Variants in UBR4 observed in about 807,000 individuals in gnomAD.
UBR4 encodes the protein ubiquitin protein ligase E3 component n-recognin 4.
A neutral mutation model predicts 575.6 loss-of-function variants in UBR4; 124 were observed. That is an observed-to-expected ratio of 0.22 (90% CI 0.19 to 0.25). UBR4 has a LOEUF of 0.25. Ranked by LOEUF, UBR4 falls within the 10% of genes least tolerant of loss-of-function variation. UBR4 has a pLI of 1.00. For missense variants in UBR4, 4,818 were observed against 6,478.8 expected (o/e 0.74, Z 8.80); for synonymous variants, 2,455 against 2,473.7 (o/e 0.99, Z 0.22).
rs562239036 is a variant in UBR4 at position 19,133,259 on chromosome 1, G to A, written c.8907-4185C>T. 9.9e-5 allele frequency among the ~76,000 whole-genome samples: 15 copies of A among 152,086 alleles called. No homozygotes were observed. In the South Asian group the frequency reaches 1.7e-3, roughly 17 times the overall value. On this transcript the variant is annotated intron_variant, in intron 60 of 105. Coordinates refer to ENST00000375254, the MANE Select transcript of UBR4 (RefSeq NM_020765.3). Reference sequence around the variant, plus strand: ...CTTAATAATAGAAAAATCAATTAACGTAATCTATAACCTTAAACAAAATAA... The same window carrying A: ...CTTAATAATAGAAAAATCAATTAACATAATCTATAACCTTAAACAAAATAA...
In UBR4 at chr1:19,192,289, A is replaced by C. The variant is rs751628344; in HGVS notation, c.1293T>G (p.Asp431Glu). The change falls in exon 11 of 106, where the codon GAT (aspartate) becomes GAG (glutamate). Residue 431 changes from aspartate (D) to glutamate (E), a missense_variant. By Grantham distance (45) the Asp-to-Glu change is conservative. Around this residue, in one of 29 missense-constraint regions of UBR4, gnomAD observed 162 missense variants for 216.4 expected, o/e 0.75. Transcript: ENST00000375254. ...ILNLSPTALA[D>E]KGKEKDPLAA... ...CCAGTGGGTCCTTCTCTTTCCCCTT[A>C]TCAGCCAACGCAGTAGGACTGAGGT... 6.2e-7 allele frequency: 1 copy of C among 1,614,142 alleles called. No individual in the cohort carries two copies. Among genetic ancestry groups the C allele is most frequent in the South Asian group, 1.1e-5 (1 of 91,084 alleles).
At chr1:19,102,438 C>T (rs745399537) in intron 87 of UBR4, among the ~76,000 whole-genome samples, 14 of 151,780 alleles carry the variant, frequency 9.2e-5, no homozygotes, top group African/African-American at 1.7e-4. Context: ...AGGTCCCTGA[C>T]GAAGTCACAA....
In UBR4 at chr1:19,117,216, C is replaced by T; in HGVS notation, c.10823+5G>A. On this transcript the variant is annotated splice_donor_5th_base_variant and intron_variant, in intron 73 of 105. Coordinates refer to ENST00000375254, the MANE Select transcript of UBR4 (RefSeq NM_020765.3). The surrounding 1 kb of genome is among the most constrained non-coding windows in gnomAD (Gnocchi z 4.0). The stretch of plus-strand genomic sequence containing the variant: ...TGCCCCTCCCGAGGCCTAAAAAGCC[C>T]GTACTTGTTTTTCAACTCCACGATG... 4 of 1,610,900 alleles carry T rather than the reference C, an allele frequency of 2.5e-6. No homozygotes were observed. The highest frequency in any genetic ancestry group is 1.7e-4 in the Middle Eastern group (1 of 5,804).
Position 19,119,693 on chromosome 1 carries a change from C to T in UBR4, c.10319G>A (p.Ser3440Asn), listed in dbSNP as rs750939666. 16 of 1,609,654 alleles carry T rather than the reference C, an allele frequency of 9.9e-6. No homozygotes were observed. In the South Asian group the frequency reaches 1.3e-4, roughly 13 times the overall value. The change falls in exon 70 of 106, where the codon AGC (serine) becomes AAC (asparagine). Residue 3440 changes from serine (S) to asparagine (N), a missense_variant. Ser to Asn is a conservative substitution (Grantham distance 46, BLOSUM62 1). Coordinates refer to ENST00000375254, the MANE Select transcript of UBR4 (RefSeq NM_020765.3). ...TAGCAGGAGCTCCTGTTGAGATTTG[C>T]TGGAATTTCTGTGGATATATGACAG... ...CLTLHIYRNS[S>N]KSQQELLLDL...
chr1:19,095,142 G>T, intron 93 of UBR4, 117 bp from the exon 94 acceptor site: 3 of 1,470,854 alleles, frequency 2.0e-6, no homozygotes, highest in East Asian at 2.3e-5. Flanking sequence ...ATGTGTGTAT[G>T]ACCGTGTGTA....
intron 60 of UBR4, among the ~76,000 whole-genome samples, chr1:19,137,480 A>C (rs1467526441): frequency 6.6e-6 from 1 of 152,166 alleles, no homozygotes; most frequent in African/African-American, 2.4e-5. Flanking sequence ...CAACACAAAA[A>C]TGGATTAGGA....
intron 1 of UBR4, among the ~76,000 whole-genome samples, chr1:19,204,349 C>T (rs2092901354): frequency 6.6e-6 from 1 of 151,992 alleles, no homozygotes; most frequent in Non-Finnish European, 1.5e-5. Flanking sequence ...CCCACTCTGT[C>T]ATTTGATGTT....
chr1:19,149,710 G>A (rs780990786), intron 49 of UBR4: 101 of 1,274,108 alleles, frequency 7.9e-5, no homozygotes, highest in Non-Finnish European at 9.6e-5. Context: ...TTGGTTACAC[G>A]GCTCTCTGAC....
chr1:19,084,983 A>G (rs1232173048), intron 101 of UBR4, among the ~76,000 whole-genome samples: 1 of 152,250 alleles, frequency 6.6e-6, no homozygotes, highest in African/African-American at 2.4e-5. Context: ...GTTGTAGGAC[A>G]TACCGTGGCT....
Position 19,198,023 on chromosome 1 carries a change from T to C in UBR4, c.675A>G (p.Ser225=). ...TGATAGCTGAGGCTTGATCTGTAGA[T>C]GACTGCTCATCATTTTCTCCTTCCA... ...TLVEGENDEQ[S]STDQASAIKT... The change falls in exon 6 of 106, where the codon TCA becomes TCG. Residue 225 remains serine (S), a synonymous_variant. Transcript: ENST00000375254. 6.2e-7 allele frequency: 1 copy of C among 1,614,052 alleles called. No homozygotes were observed. Among genetic ancestry groups the C allele is most frequent in the Non-Finnish European group, 8.5e-7 (1 of 1,180,036 alleles).
intron 86 of UBR4, 66 bp from the exon 87 acceptor site, chr1:19,104,323 A>G: frequency 1.3e-6 from 2 of 1,573,774 alleles, no homozygotes; most frequent in East Asian, 2.3e-5. Context: ...TCTGTGTCTC[A>G]AAAGATTATG....
intron 81 of UBR4, among the ~76,000 whole-genome samples, chr1:19,107,467 T>C (rs1358000450): frequency 6.6e-6 from 1 of 152,166 alleles, no homozygotes; most frequent in African/African-American, 2.4e-5. Flanking sequence ...TGGTTGTATC[T>C]ATTGCCATTT....
chr1:19,177,985 G>A (rs1199503368), intron 18 of UBR4, among the ~76,000 whole-genome samples: 2 of 152,114 alleles, frequency 1.3e-5, no homozygotes, highest in Non-Finnish European at 2.9e-5. Context: ...GAGGTCGAGG[G>A]GAGGATTGCT....
intron 53 of UBR4, among the ~76,000 whole-genome samples, chr1:19,145,496 AT>A (rs1466544498): frequency 1.8e-5 from 2 of 108,262 alleles, no homozygotes; most frequent in Non-Finnish European, 3.5e-5. Context: ...AAAAACAATT[AT>A]AAACCACTGA....
In UBR4 at chr1:19,198,708, G is replaced by A. The variant is rs753134949; in HGVS notation, c.509-28C>T. ...GTAAAATACAAAGGCAAAAAAAAGG[G>A]CTGAGGAAAGTGCCACTAGAAGGCA... is the stretch of plus-strand genomic sequence containing the variant. On this transcript the variant is annotated intron_variant, in intron 4 of 105. Coordinates refer to ENST00000375254, the MANE Select transcript of UBR4 (RefSeq NM_020765.3). 3 of 1,612,948 alleles carry A rather than the reference G, an allele frequency of 1.9e-6. No individual in the cohort carries two copies. In the African/African-American group the frequency reaches 4.0e-5, roughly 22 times the overall value.
At chr1:19,112,459 C>T in intron 78 of UBR4, 65 bp downstream of exon 78, 1 of 1,529,966 alleles carries the variant, frequency 6.5e-7, no homozygotes, top group African/African-American at 1.4e-5. Flanking sequence ...CTCTCTAACG[C>T]TCCTGGCATG....
chr1:19,175,738 G>A (rs753424119), intron 20 of UBR4, among the ~76,000 whole-genome samples: 1 of 152,088 alleles, frequency 6.6e-6, no homozygotes, highest in Non-Finnish European at 1.5e-5. Context: ...TCCATATACT[G>A]TACCCTATGG....
At chr1:19,154,395 GA>G (rs2086156418) in intron 44 of UBR4, among the ~76,000 whole-genome samples, 1 of 152,168 alleles carries the variant, frequency 6.6e-6, no homozygotes, top group South Asian at 2.1e-4. Flanking sequence ...AGAAACAAGG[GA>G]AGACACCATA....
chr1:19,187,141 T>TCAATGG, intron 13 of UBR4, 23 bp downstream of exon 13: 1 of 1,579,018 alleles, frequency 6.3e-7, no homozygotes, highest in Non-Finnish European at 8.6e-7. Context: ...TTCTAAATTA[T>TCAATGG]CAATGGCTTA....
Sources: gnomAD v4.1 joint callset for allele counts (sites outside exome capture counted in the v4.1 genomes callset) on GRCh38, gnomAD v4.1.1 for gene constraint, gnomAD v4.1.1 regional missense constraint, Gnocchi (gnomAD v3.1) non-coding constraint, MANE v1.5 for transcripts, NCBI Gene and HGNC (gene_info 2026-07-23, HGNC 2026-07-21) for gene names.